NIBAN1: variants seen among roughly 807,000 people sequenced by gnomAD.
NIBAN1 encodes the protein protein Niban 1.
Under a neutral mutation model 75.1 loss-of-function variants are expected in NIBAN1, and 81 were observed. That is an observed-to-expected ratio of 1.08 (90% CI 0.90 to 1.30). NIBAN1 has a LOEUF of 1.30. Ranked by LOEUF, NIBAN1 falls within the 50% of genes most tolerant of loss-of-function variation. The pLI is 0.00. For synonymous variants in NIBAN1, 436 were observed against 424.8 expected (o/e 1.03, Z -0.32); for missense variants, 1,133 against 1,128.1 (o/e 1.00, Z -0.06).
At chr1:184,943,864 G>A (rs887364971) in intron 1 of NIBAN1, among the ~76,000 whole-genome samples, 1 of 152,132 alleles carries the variant, frequency 6.6e-6, no homozygotes, top group Non-Finnish European at 1.5e-5. Context: ...TGATATAACA[G>A]TATATAGTTC....
chr1:184,843,848 A>G (rs1655362916), intron 5 of NIBAN1, among the ~76,000 whole-genome samples: 1 of 152,176 alleles, frequency 6.6e-6, no homozygotes, highest in Non-Finnish European at 1.5e-5. Context: ...TGCCCACCAT[A>G]TAATGTTTTA....
intron 5 of NIBAN1, among the ~76,000 whole-genome samples, chr1:184,862,652 G>A (rs1260519895): frequency 1.3e-5 from 2 of 152,166 alleles, no homozygotes; most frequent in Admixed American, 1.3e-4. Context: ...CATATCTTCA[G>A]TTGCCTGATT....
At chr1:184,903,051 C>T (rs539827605) in intron 1 of NIBAN1, among the ~76,000 whole-genome samples, 6 of 152,306 alleles carry the variant, frequency 3.9e-5, no homozygotes, top group African/African-American at 7.2e-5. Flanking sequence ...TATTCATCAC[C>T]GTTTTCAAGA....
intron 1 of NIBAN1, among the ~76,000 whole-genome samples, chr1:184,944,785 C>T (rs1658181013): frequency 6.6e-6 from 1 of 152,156 alleles, no homozygotes; most frequent in Non-Finnish European, 1.5e-5. Context: ...TCTCAAGGGT[C>T]TTTTAGTTGT....
intron 8 of NIBAN1, among the ~76,000 whole-genome samples, 153 bp downstream of exon 8, chr1:184,823,014 G>A (rs970851974): frequency 2.0e-5 from 3 of 152,138 alleles, no homozygotes; most frequent in Non-Finnish European, 2.9e-5. Flanking sequence ...GGCCCCTAAT[G>A]GTACCTCCAG....
chr1:184,795,922 G>T lies in NIBAN1; in HGVS notation c.1842C>A (p.Leu614=), dbSNP rs1446110815. 2 of 1,614,074 alleles carry T rather than the reference G, an allele frequency of 1.2e-6. No homozygotes were observed. Among genetic ancestry groups the T allele is most frequent in the Non-Finnish European group, 1.7e-6 (2 of 1,180,036 alleles). Residue 614 remains leucine (L), a synonymous_variant, in exon 14 of 14, where the codon CTC becomes CTA. Transcript: ENST00000367511. ...ILPGVLGSET[L]SNEVFQESEE... ...CTGACTCCTGGAATACTTCGTTACTGAGGGTCTCACTACCCAGAACTCCTG... is the reference window on the plus strand; with the variant it reads ...CTGACTCCTGGAATACTTCGTTACTTAGGGTCTCACTACCCAGAACTCCTG...
At chr1:184,871,519 A>G (rs904303117) in intron 5 of NIBAN1, among the ~76,000 whole-genome samples, 1 of 152,162 alleles carries the variant, frequency 6.6e-6, no homozygotes, top group African/African-American at 2.4e-5. Flanking sequence ...CAACCCTGCC[A>G]TCATCTGGAT....
intron 3 of NIBAN1, among the ~76,000 whole-genome samples, chr1:184,893,657 G>A (rs1656727938): frequency 6.6e-6 from 1 of 152,044 alleles, no homozygotes; most frequent in Admixed American, 6.6e-5. Context: ...CTTCAGAGTG[G>A]GAAGACAGAG....
At chr1:184,899,400 G>T in intron 1 of NIBAN1, 91 bp from the exon 2 acceptor site, 1 of 1,340,054 alleles carries the variant, frequency 7.5e-7, no homozygotes, top group Non-Finnish European at 1.0e-6. Flanking sequence ...CAGTCTCTCT[G>T]TTTCTATCCC....
chr1:184,857,244 T>C (rs935554112), intron 5 of NIBAN1, among the ~76,000 whole-genome samples: 35 of 152,202 alleles, frequency 2.3e-4, no homozygotes, highest in African/African-American at 7.5e-4. Flanking sequence ...CAAGACACCA[T>C]GAACAAAGGC....
intron 1 of NIBAN1, among the ~76,000 whole-genome samples, chr1:184,947,869 A>G (rs1446283032): frequency 6.6e-6 from 1 of 152,242 alleles, no homozygotes; most frequent in Non-Finnish European, 1.5e-5. Context: ...GAGGTATTGA[A>G]AGCTGCTTAC....
At chr1:184,829,592 C>T (rs986363559) in intron 6 of NIBAN1, among the ~76,000 whole-genome samples, 1 of 151,602 alleles carries the variant, frequency 6.6e-6, no homozygotes, top group Non-Finnish European at 1.5e-5. Flanking sequence ...CTCAGCCTCC[C>T]AAGCAGCTGG....
At chr1:184,972,971 C>T (rs1224477124) in intron 1 of NIBAN1, among the ~76,000 whole-genome samples, 2 of 152,178 alleles carry the variant, frequency 1.3e-5, no homozygotes, top group Non-Finnish European at 2.9e-5. Context: ...AAATGCAAGC[C>T]CTTTCTCACT....
At chr1:184,810,979 C>A (rs940258605) in intron 9 of NIBAN1, among the ~76,000 whole-genome samples, 8 of 152,174 alleles carry the variant, frequency 5.3e-5, no homozygotes, top group Non-Finnish European at 2.9e-5. Context: ...GGCTGGGGAT[C>A]GCGGTAAGCT....
At chr1:184,835,325 G>A (rs907172221) in intron 5 of NIBAN1, among the ~76,000 whole-genome samples, 5 of 152,164 alleles carry the variant, frequency 3.3e-5, no homozygotes, top group African/African-American at 1.2e-4. Flanking sequence ...TGGCAATGTG[G>A]GCTCGTTTTT....
At chr1:184,971,403 A>G (rs759259988) in intron 1 of NIBAN1, among the ~76,000 whole-genome samples, 3 of 149,436 alleles carry the variant, frequency 2.0e-5, no homozygotes, top group Non-Finnish European at 3.0e-5. Flanking sequence ...TGGGCACGGT[A>G]TCTCATGCCT....
In NIBAN1 at chr1:184,918,859, C is replaced by A. The variant is rs138074115; in HGVS notation, c.56-19550G>T. ...AGCCTAGAGTGGTCAGTAGCAGGCA[C>A]AGAATTGATATTAGCTGTATAGTGA... On this transcript the variant is annotated intron_variant, in intron 1 of 13. Transcript: ENST00000367511. Among the ~76,000 whole-genome samples the A allele has an allele frequency of 2.6e-5, 4 of 152,298 alleles. No individual in the cohort carries two copies. The East Asian group carries it at 5.8e-4, about 22-fold the overall frequency.
At chr1:184,940,030 ATTTGAAAGAC>A (rs1459715129) in intron 1 of NIBAN1, among the ~76,000 whole-genome samples, 1 of 152,202 alleles carries the variant, frequency 6.6e-6, no homozygotes, top group Non-Finnish European at 1.5e-5. Context: ...GTGATTCTGA[ATTTGAAAGAC>A]TTTAGACTGT....
chr1:184,853,519 A>G (rs545731116), intron 5 of NIBAN1, among the ~76,000 whole-genome samples: 13 of 152,216 alleles, frequency 8.5e-5, no homozygotes, highest in Non-Finnish European at 1.8e-4. Flanking sequence ...GATTCATCCT[A>G]TTTTTAAAAC....
Sources: allele counts gnomAD v4.1 joint callset (sites outside exome capture counted in the v4.1 genomes callset), GRCh38; gene constraint gnomAD v4.1.1; transcripts MANE v1.5; gene names NCBI Gene and HGNC (gene_info 2026-07-23, HGNC 2026-07-21).